CRBN: variants seen among roughly 807,000 people sequenced by gnomAD.
The protein encoded by CRBN is cereblon.
CRBN carries 53 observed loss-of-function variants against 62.2 expected under a neutral mutation model. The observed-to-expected ratio is 0.85, with a 90% CI of 0.68 to 1.07. CRBN has a LOEUF of 1.07. Among genes scored for constraint, CRBN ranks in the 50% least tolerant of loss-of-function variants. The pLI is 0.00. For missense variants in CRBN, 616 were observed against 531.1 expected (o/e 1.16, Z -1.57); for synonymous variants, 208 against 176.1 (o/e 1.18, Z -1.43).
chr3:3,176,104 G>T (rs1480094260), intron 1 of CRBN, among the ~76,000 whole-genome samples: 1 of 152,124 alleles, frequency 6.6e-6, no homozygotes, highest in Non-Finnish European at 1.5e-5. Flanking sequence ...GGGGTGATGA[G>T]TTATGCTCCA....
chr3:3,162,186 T>G (rs1302229613), intron 5 of CRBN, among the ~76,000 whole-genome samples: 1 of 152,214 alleles, frequency 6.6e-6, no homozygotes, highest in African/African-American at 2.4e-5. Flanking sequence ...ATCTTTACAT[T>G]TCATACTCAA....
chr3:3,156,728 T>A (rs113488394), intron 5 of CRBN: 1 of 161,228 alleles, frequency 6.2e-6, no homozygotes, highest in Non-Finnish European at 1.4e-5. Context: ...TAAGAAGTGA[T>A]AGAATCCCAA....
Position 3,150,849 on chromosome 3 carries a change from T to A in CRBN, c.*16A>T, listed in dbSNP as rs563799135. 3.2e-5 allele frequency: 51 copies of A among 1,611,302 alleles called. No homozygotes were observed. The highest frequency in any genetic ancestry group is 2.3e-4 in the African/African-American group (17 of 74,968). ...ATAACCAATTTGTTAGATAACTTTATCTCTATCACATCTGTTTACAAGCAA... is the reference window on the plus strand; with the variant it reads ...ATAACCAATTTGTTAGATAACTTTAACTCTATCACATCTGTTTACAAGCAA... On this transcript the variant is annotated 3_prime_UTR_variant, in exon 11 of 11. Coordinates refer to ENST00000231948, the MANE Select transcript of CRBN (RefSeq NM_016302.4).
intron 5 of CRBN, among the ~76,000 whole-genome samples, chr3:3,165,393 AG>A (rs1262156676): frequency 3.9e-5 from 6 of 152,172 alleles, no homozygotes; most frequent in Admixed American, 3.9e-4. Context: ...CTTTTGTGAA[AG>A]GAAGAGTCAA....
At chr3:3,175,403 A>G in intron 1 of CRBN, 134 bp from the exon 2 acceptor site, 1 of 687,308 alleles carries the variant, frequency 1.5e-6, no homozygotes, top group South Asian at 1.7e-5. Context: ...GTGAAGAGGG[A>G]GCCAGAGGAC....
intron 1 of CRBN, among the ~76,000 whole-genome samples, chr3:3,176,089 C>T (rs73009145): frequency 0.028 from 4,241 of 152,262 alleles, 104 homozygotes; most frequent in Non-Finnish European, 0.045. Flanking sequence ...GTAGCCTCCA[C>T]TTCAGGGGTG....
intron 9 of CRBN, 140 bp from the exon 10 acceptor site, chr3:3,152,727 G>A: frequency 9.8e-7 from 1 of 1,023,858 alleles, no homozygotes; most frequent in South Asian, 1.4e-5. Flanking sequence ...TATAATACCA[G>A]GATCTTAGTA....
chr3:3,151,130 T>A, intron 10 of CRBN, 85 bp from the exon 11 acceptor site: 1 of 1,381,998 alleles, frequency 7.2e-7, no homozygotes, highest in Non-Finnish European at 1.0e-6. Flanking sequence ...AGACAGACTT[T>A]AGAGGCAAAT....
At position 3,156,315 on chromosome 3, in the gene CRBN, C is replaced by G. The variant is rs747297793; in HGVS notation, c.688-34G>C. 4.4e-6 allele frequency: 7 copies of G among 1,578,006 alleles called. No individual in the cohort carries two copies. The South Asian group carries it at 5.5e-5, about 12-fold the overall frequency. On this transcript the variant is annotated intron_variant, in intron 5 of 10. Transcript: ENST00000231948. The stretch of plus-strand genomic sequence containing the variant: ...AAAACAAAAAGGCACTTAAAAAACC[C>G]CACAGAATAAAGATTCTAATGCTGG...
At chr3:3,179,707 A>C (rs774444205), upstream of CRBN, 1 of 1,610,478 alleles carries the variant, frequency 6.2e-7, no homozygotes, top group Non-Finnish European at 8.5e-7. Context: ...CCCGCAAAGG[A>C]GGCTGGGACA....
intron 1 of CRBN, 91 bp from the exon 2 acceptor site, chr3:3,175,360 A>C (rs1559258387): frequency 2.1e-6 from 2 of 932,260 alleles, no homozygotes; most frequent in South Asian, 2.7e-5. Flanking sequence ...GGTACTTCTA[A>C]AACCACATGC....
Position 3,175,255 on chromosome 3 carries a change from C to T in CRBN, c.82G>A (p.Glu28Lys), listed in dbSNP as rs1280166278. 1.2e-6 allele frequency: 2 copies of T among 1,606,138 alleles called. No homozygotes were observed. The highest frequency in any genetic ancestry group is 1.7e-5 in the Admixed American group (1 of 59,988). The stretch of plus-strand genomic sequence containing the variant: ...TGGTCTTCAACTTCCATTTCATCTT[C>T]TTCCTCACTCTCTGCTATAAAAGTA... ...LPLLPAESEE[E>K]DEMEVEDQDS... The change falls in exon 2 of 11, where the codon GAA (glutamate) becomes AAA (lysine). Residue 28 changes from glutamate to lysine, a missense_variant. Transcript: ENST00000231948.
rs745557127 is a variant in CRBN, at chr3:3,156,213, A to AT, written c.750+5_750+6insA. 1 of 1,609,224 alleles carries AT rather than the reference A, an allele frequency of 6.2e-7. No homozygotes were observed. The highest frequency in any genetic ancestry group is 2.2e-5 in the East Asian group (1 of 44,810). ...ATATAAAGTAAATTTAAGGTAAGTT[A>AT]CTTACAGCATCATATAAGGAATACA... On this transcript the variant is annotated splice_donor_region_variant and intron_variant, in intron 6 of 10. Coordinates refer to ENST00000231948, the MANE Select transcript of CRBN (RefSeq NM_016302.4).
chr3:3,174,373 G>T, intron 2 of CRBN, 112 bp from the exon 3 acceptor site: 1 of 862,698 alleles, frequency 1.2e-6, no homozygotes, highest in East Asian at 2.6e-5. Context: ...GGGCACAGTG[G>T]CTCACACCTG....
In CRBN at chr3:3,152,446, A is replaced by G. The variant is rs1339732867; in HGVS notation, c.1148+10T>C. On this transcript the variant is annotated intron_variant, in intron 10 of 10. Coordinates refer to ENST00000231948, the MANE Select transcript of CRBN (RefSeq NM_016302.4). ...AAGAAAAAAAAAAGCAACCACCACC[A>G]TAATATTACCCAGGAAACCAGCTGT... 6 of 1,612,288 alleles carry G rather than the reference A, an allele frequency of 3.7e-6. No individual in the cohort carries two copies. The highest frequency in any genetic ancestry group is 3.3e-5 in the South Asian group (3 of 90,522).
rs913318013 is a variant in CRBN, at chr3:3,153,000, T to C, written c.1017-413A>G. ...CCTTCTTGATTTACAACTGATGGAT[T>C]TGTCATAAAATGATTTTCAAACACT... On this transcript the variant is annotated intron_variant, in intron 9 of 10. Transcript: ENST00000231948. 6 of 293,486 alleles carry C rather than the reference T, an allele frequency of 2.0e-5. No individual in the cohort carries two copies. In the East Asian group the frequency reaches 2.6e-4, roughly 12 times the overall value. 18.2% of individuals were successfully genotyped at this position (293,486 alleles called of 1,614,324 possible).
chr3:3,153,779 TAA>T, intron 8 of CRBN, 179 bp downstream of exon 8: 1 of 638,042 alleles, frequency 1.6e-6, no homozygotes, highest in Non-Finnish European at 2.8e-6. Flanking sequence ...ACTAAGTTGA[TAA>T]ATGTATTCAT....
chr3:3,162,759 T>G (rs1707191328), intron 5 of CRBN, among the ~76,000 whole-genome samples: 2 of 152,328 alleles, frequency 1.3e-5, no homozygotes, highest in South Asian at 4.1e-4. Context: ...AGCTTAGTTA[T>G]GTAAGCATCT....
At chr3:3,177,322 C>A (rs1349959276) in intron 1 of CRBN, among the ~76,000 whole-genome samples, 1 of 152,122 alleles carries the variant, frequency 6.6e-6, no homozygotes, top group African/African-American at 2.4e-5. Flanking sequence ...TAGCCAGGCC[C>A]CTGACAGAAA....
Sources: allele counts gnomAD v4.1 joint callset (sites outside exome capture counted in the v4.1 genomes callset), GRCh38; gene constraint gnomAD v4.1.1; transcripts MANE v1.5; gene names NCBI Gene and HGNC (gene_info 2026-07-23, HGNC 2026-07-21).